Variants in DNAH11 observed in about 807,000 individuals in gnomAD.
DNAH11 encodes the protein dynein axonemal heavy chain 11.
In DNAH11, 442 loss-of-function variants were observed where a neutral mutation model predicts 526.0. The observed-to-expected ratio is 0.84, with a 90% CI of 0.78 to 0.91. The LOEUF (loss-of-function observed/expected upper bound fraction) is 0.91, where lower values mean the gene tolerates loss of function less well. Among genes scored for constraint, DNAH11 ranks in the 40% least tolerant of loss-of-function variants. The pLI, the probability that DNAH11 is intolerant of heterozygous loss-of-function variation, is 0.00. For synonymous variants in DNAH11, 2,461 were observed against 1,935.9 expected (o/e 1.27, Z -7.12); for missense variants, 6,989 against 5,448.7 (o/e 1.28, Z -8.90).
Position 21,864,617 on chromosome 7 carries a change from C to G in DNAH11, c.11456C>G (p.Pro3819Arg), listed in dbSNP as rs780093266. 6.8e-6 allele frequency: 11 copies of G among 1,608,194 alleles called. No individual in the cohort carries two copies. Among genetic ancestry groups the G allele is most frequent in the Non-Finnish European group, 9.3e-6 (11 of 1,177,210 alleles). ...ACAGTTGAACACACTCATCTGAGTC[C>G]CGTTGACTTCCTAACTTCTCAGTCA... The part of the protein sequence containing the change: ...RFTVEHTHLS[P>R]VDFLTSQSWS... The change falls in exon 70 of 82, where the codon CCC (proline) becomes CGC (arginine). Residue 3819 changes from proline to arginine, a missense_variant. Transcript: ENST00000409508.
chr7:21,850,251 G>T (rs1388093938), intron 66 of DNAH11, among the ~76,000 whole-genome samples: 4 of 150,782 alleles, frequency 2.7e-5, no homozygotes, highest in Non-Finnish European at 4.4e-5. Flanking sequence ...AGCTACTCGG[G>T]AGGCTGAGGC....
At chr7:21,568,576 C>T (rs1331543679) in intron 6 of DNAH11, among the ~76,000 whole-genome samples, 1 of 152,092 alleles carries the variant, frequency 6.6e-6, no homozygotes, top group Non-Finnish European at 1.5e-5. Context: ...TCATTTAGGA[C>T]ATTAAGTGCC....
intron 65 of DNAH11, among the ~76,000 whole-genome samples, chr7:21,819,008 C>G (rs1047706788): frequency 6.6e-6 from 1 of 152,176 alleles, no homozygotes; most frequent in African/African-American, 2.4e-5. Context: ...GTCATCATGT[C>G]ACTTTCCTAT....
At chr7:21,815,147 A>G (rs1789724520) in intron 63 of DNAH11, among the ~76,000 whole-genome samples, 1 of 152,012 alleles carries the variant, frequency 6.6e-6, no homozygotes, top group Admixed American at 6.6e-5. Context: ...CAAACTATGG[A>G]TTTTGGATAT....
chr7:21,777,035 T>C (rs1787702639), intron 56 of DNAH11, among the ~76,000 whole-genome samples: 1 of 152,032 alleles, frequency 6.6e-6, no homozygotes, highest in Non-Finnish European at 1.5e-5. Context: ...AAAACTTCCA[T>C]CTACAGAAAG....
At chr7:21,789,797 CTT>C (rs202096990) in intron 61 of DNAH11, among the ~76,000 whole-genome samples, 1 of 68,288 alleles carries the variant, frequency 1.5e-5, no homozygotes, top group African/African-American at 5.4e-5. Context: ...TTCTTTCTTT[CTT>C]TCTTTCTTTT....
At chr7:21,573,450 A>G (rs12667349) in intron 8 of DNAH11, among the ~76,000 whole-genome samples, 26,549 of 152,158 alleles carry the variant, frequency 0.17, 2,360 homozygotes, top group Middle Eastern at 0.24. Context: ...AAATTAAAAC[A>G]TGAATTAACT....
At chr7:21,717,712 C>G (rs1784718256) in intron 42 of DNAH11, 63 bp from the exon 43 acceptor site, 1 of 1,594,434 alleles carries the variant, frequency 6.3e-7, no homozygotes, top group African/African-American at 1.3e-5. Context: ...AAGCTTTTGA[C>G]TTGGTGAAAT....
chr7:21,805,182 A>G (rs1789206444), intron 62 of DNAH11, among the ~76,000 whole-genome samples: 2 of 152,194 alleles, frequency 1.3e-5, no homozygotes, highest in Admixed American at 1.3e-4. Context: ...GCACACATAC[A>G]TGCACACATA....
intron 14 of DNAH11, among the ~76,000 whole-genome samples, chr7:21,592,557 G>GAGCAGCC (rs1421912566): frequency 6.6e-6 from 1 of 152,234 alleles, no homozygotes; most frequent in African/African-American, 2.4e-5. Context: ...TAAGGGGAAA[G>GAGCAGCC]AGCAGCCAGA....
chr7:21,656,042 G>A (rs1300405797), intron 29 of DNAH11, 61 bp downstream of exon 29: 8 of 1,471,178 alleles, frequency 5.4e-6, no homozygotes, highest in African/African-American at 2.8e-5. Context: ...CTCTTAGAAG[G>A]TTGAGTTCAA....
chr7:21,738,718 C>T lies in DNAH11; in HGVS notation c.7663C>T (p.Leu2555=). The T allele has an allele frequency of 6.3e-7, 1 of 1,577,734 alleles. No homozygotes were observed. Residue 2555 remains leucine (L), a synonymous_variant, in exon 47 of 82, where the codon CTA becomes TTA. Coordinates refer to ENST00000409508, the MANE Select transcript of DNAH11 (RefSeq NM_001277115.2). The stretch of plus-strand genomic sequence containing the variant: ...TATTTCAGAAATTCTTGAGAAACCC[C>T]TAGAGAAAAAAGCTGGTCATAACTA... The part of the protein sequence containing the change: ...TALQKILEKP[L]EKKAGHNYGP...
At position 21,901,185 on chromosome 7, in the gene DNAH11, C is replaced by T. The variant is rs370038827; in HGVS notation, c.13482C>T (p.Phe4494=). The part of the protein sequence containing the change: ...KLRGPSYIWT[F]RLKSEEKTAK... ...GAGGCCCCAGCTACATCTGGACCTT[C>T]AGGCTGAAGAGCGAAGAGAAGACTG... Residue 4494 remains phenylalanine, a synonymous_variant, in exon 82 of 82, where the codon TTC becomes TTT. Coordinates refer to ENST00000409508, the MANE Select transcript of DNAH11 (RefSeq NM_001277115.2). The T allele has an allele frequency of 1.7e-5, 27 of 1,613,196 alleles. No homozygotes were observed. In the African/African-American group the frequency reaches 2.9e-4, roughly 18 times the overall value.
rs529012666 is a variant in DNAH11, at chr7:21,600,098, C to A, written c.2979C>A (p.His993Gln). 1 of 1,535,626 alleles carries A rather than the reference C, an allele frequency of 6.5e-7. No homozygotes were observed. Among genetic ancestry groups the A allele is most frequent in the Non-Finnish European group, 8.8e-7 (1 of 1,139,316 alleles). Residue 993 changes from histidine to glutamine, a missense_variant, in exon 15 of 82, where the codon CAC becomes CAA. Coordinates refer to ENST00000409508, the MANE Select transcript of DNAH11 (RefSeq NM_001277115.2). The stretch of plus-strand genomic sequence containing the variant: ...CCCAGATGAACCGAATAGCAACACA[C>A]CTGGAAATTAAAAATTATCAGGTAT... ...MSAQMNRIAT[H>Q]LEIKNYQNDM... is the part of the protein sequence containing the mutation.
At chr7:21,728,408 A>AG (rs1785233185) in intron 45 of DNAH11, among the ~76,000 whole-genome samples, 1 of 151,306 alleles carries the variant, frequency 6.6e-6, no homozygotes, top group South Asian at 2.1e-4. Context: ...CAGGCAACCC[A>AG]CCACCATGCC....
intron 6 of DNAH11, among the ~76,000 whole-genome samples, chr7:21,568,019 A>G (rs1333276301): frequency 6.6e-6 from 1 of 152,190 alleles, no homozygotes; most frequent in African/African-American, 2.4e-5. Context: ...GGTGAGGAAG[A>G]GTTAAAGTCT....
intron 4 of DNAH11, 40 bp downstream of exon 4, chr7:21,559,832 A>G (rs72655974): frequency 3.1e-5 from 46 of 1,504,466 alleles, no homozygotes; most frequent in Non-Finnish European, 3.9e-5. Context: ...TAAATTAGCA[A>G]AGTGTCCTGA....
intron 61 of DNAH11, among the ~76,000 whole-genome samples, chr7:21,799,015 G>A (rs886769724): frequency 2.0e-5 from 3 of 152,064 alleles, no homozygotes; most frequent in African/African-American, 7.2e-5. Flanking sequence ...GGTTCTGAAT[G>A]TAACAGAGTT....
intron 68 of DNAH11, among the ~76,000 whole-genome samples, chr7:21,856,846 A>G (rs1022965421): frequency 1.3e-5 from 2 of 152,148 alleles, no homozygotes; most frequent in African/African-American, 2.4e-5. Context: ...ACATGATAAA[A>G]TGCATCTAGA....
Sources: allele counts gnomAD v4.1 joint callset (sites outside exome capture counted in the v4.1 genomes callset), GRCh38; gene constraint gnomAD v4.1.1; transcripts MANE v1.5; gene names NCBI Gene and HGNC (gene_info 2026-07-23, HGNC 2026-07-21).